Variants in CEP63 observed in about 807,000 individuals in gnomAD.
The protein encoded by CEP63 is centrosomal protein 63.
In CEP63, 84 loss-of-function variants were observed where a neutral mutation model predicts 89.1. That is an observed-to-expected ratio of 0.94 (90% CI 0.79 to 1.13). The LOEUF (loss-of-function observed/expected upper bound fraction) is 1.13, where lower values mean the gene tolerates loss of function less well. CEP63 is among the 50% of genes most tolerant of loss of function. CEP63 has a pLI of 0.00. For synonymous variants in CEP63, 267 were observed against 272.5 expected, an observed-to-expected ratio of 0.98 and a Z score of 0.20; for missense variants, 838 against 813.3, an observed-to-expected ratio of 1.03 and a Z score of -0.37.
At chr3:134,554,173 A>G (rs9832336) in intron 12 of CEP63, among the ~76,000 whole-genome samples, 149,415 of 151,594 alleles carry the variant, frequency 0.99, 73,675 homozygotes, top group Middle Eastern at 1. Flanking sequence ...ATGCTGGTGC[A>G]CTGCACCCAC....
intron 2 of CEP63, among the ~76,000 whole-genome samples, chr3:134,501,813 C>T (rs998338456): frequency 3.3e-5 from 5 of 152,012 alleles, no homozygotes; most frequent in African/African-American, 1.2e-4. Context: ...ATTTGAATAC[C>T]TTTTATTTCT....
chr3:134,577,480 A>C (rs1282678062), downstream of CEP63, among the ~76,000 whole-genome samples: 1 of 111,766 alleles, frequency 8.9e-6, no homozygotes, highest in African/African-American at 3.5e-5. Flanking sequence ...TGTGTCACCC[A>C]GGCTGGTGCA....
chr3:134,650,623 C>T, the CEP63 span, among the ~76,000 whole-genome samples: 6 of 152,172 alleles, frequency 3.9e-5, no homozygotes, highest in Non-Finnish European at 8.8e-5. Context: ...GGGGCAATCA[C>T]GGGGCTGCGC....
the CEP63 span, among the ~76,000 whole-genome samples, chr3:134,710,210 A>T: frequency 6.6e-6 from 1 of 152,194 alleles, no homozygotes; most frequent in African/African-American, 2.4e-5. Flanking sequence ...GACCCAGCAC[A>T]ACGGGTCGGC....
chr3:134,629,498 G>C, the CEP63 span: 20 of 698,380 alleles, frequency 2.9e-5, no homozygotes, highest in East Asian at 3.0e-4. Flanking sequence ...CCTTTTCCCA[G>C]TTTGCAGGCC....
the CEP63 span, among the ~76,000 whole-genome samples, chr3:134,622,252 A>G: frequency 1.3e-5 from 2 of 152,310 alleles, no homozygotes; most frequent in African/African-American, 4.8e-5. Flanking sequence ...TCAAACAGAC[A>G]TTTGTTTCCC....
chr3:134,715,753 A>G, the CEP63 span, among the ~76,000 whole-genome samples: 3 of 152,058 alleles, frequency 2.0e-5, no homozygotes, highest in African/African-American at 7.2e-5. Flanking sequence ...CAATTGATGC[A>G]CTTCAAATTT....
chr3:134,736,883 G>T, the CEP63 span, among the ~76,000 whole-genome samples: 289 of 152,184 alleles, frequency 1.9e-3, 3 homozygotes, highest in African/African-American at 6.6e-3. Flanking sequence ...AATAAGGGGT[G>T]GCAACTAATC....
the CEP63 span, chr3:134,629,782 A>AATTAGTTTTAG: frequency 4.9e-6 from 4 of 814,616 alleles, no homozygotes; most frequent in African/African-American, 6.9e-5. Context: ...ATAAAAAAAC[A>AATTAGTTTTAG]ATTAGTTTTA....
At chr3:134,766,981 GA>G in the CEP63 span, among the ~76,000 whole-genome samples, 12 of 152,268 alleles carry the variant, frequency 7.9e-5, no homozygotes, top group African/African-American at 2.9e-4. Flanking sequence ...GTGTGCTTGG[GA>G]TTGATTAAAT....
chr3:134,673,782 A>AT, the CEP63 span, among the ~76,000 whole-genome samples: 1 of 152,124 alleles, frequency 6.6e-6, no homozygotes, highest in African/African-American at 2.4e-5. Flanking sequence ...CTACAGACTT[A>AT]TGCACAGGCA....
At chr3:134,757,532 T>C in the CEP63 span, among the ~76,000 whole-genome samples, 1 of 152,164 alleles carries the variant, frequency 6.6e-6, no homozygotes, top group Non-Finnish European at 1.5e-5. Flanking sequence ...GGCAGAATAT[T>C]GGAGGTAGGA....
At chr3:134,614,007 A>T in the CEP63 span, among the ~76,000 whole-genome samples, 1 of 152,238 alleles carries the variant, frequency 6.6e-6, no homozygotes, top group Non-Finnish European at 1.5e-5. Context: ...AACAACATAA[A>T]AAAATATCAT....
the CEP63 span, among the ~76,000 whole-genome samples, chr3:134,769,292 T>A: frequency 1.7e-4 from 26 of 152,128 alleles, no homozygotes; most frequent in Non-Finnish European, 4.4e-5. Context: ...ACCTACTGAA[T>A]CAGAATGTGT....
chr3:134,669,016 T>C, the CEP63 span, among the ~76,000 whole-genome samples: 17 of 152,096 alleles, frequency 1.1e-4, no homozygotes, highest in South Asian at 3.5e-3. Context: ...GTATGCTTCC[T>C]TCTTCTTCCT....
In CEP63 at chr3:134,490,700, A is replaced by G. The variant is rs116770968; in HGVS notation, c.-26+4498A>G. Among the ~76,000 whole-genome samples, 1,150 of 151,830 alleles carry G rather than the reference A, an allele frequency of 7.6e-3. 17 individuals carry two copies. Among genetic ancestry groups the G allele is most frequent in the African/African-American group, 0.026 (1,094 of 41,378 alleles). ...TTTAGCTTTCATCTCTGTTTCTTCC[A>G]CTCTGCTTATTTTCCTTCCTTACTG... On this transcript the variant is annotated intron_variant, in intron 1 of 14. Coordinates refer to ENST00000675561, the MANE Select transcript of CEP63 (RefSeq NM_001353108.3).
intron 2 of CEP63, among the ~76,000 whole-genome samples, chr3:134,497,831 C>T (rs531653994): frequency 7.5e-4 from 114 of 152,094 alleles, no homozygotes; most frequent in African/African-American, 2.7e-3. Context: ...TTGAATAGGG[C>T]GTCCTTTTCC....
At chr3:134,577,431 C>CTT (rs10662705), downstream of CEP63, among the ~76,000 whole-genome samples, 73,261 of 86,524 alleles carry the variant, frequency 0.85, 31,534 homozygotes, top group South Asian at 0.87. Flanking sequence ...TTCTAATCCA[C>CTT]TTTTTTTTTT....
At chr3:134,615,364 T>C in the CEP63 span, 1 of 151,242 alleles carries the variant, frequency 6.6e-6, no homozygotes, top group Admixed American at 6.6e-5. Context: ...TTTTTTTTTT[T>C]TTTTTTCACG....
Sources: allele counts gnomAD v4.1 joint callset (sites outside exome capture counted in the v4.1 genomes callset), GRCh38; gene constraint gnomAD v4.1.1; transcripts MANE v1.5; gene names NCBI Gene and HGNC (gene_info 2026-07-23, HGNC 2026-07-21).